Variants in OTOG observed in about 807,000 individuals in gnomAD.
OTOG encodes the protein otogelin.
OTOG carries 296 observed loss-of-function variants against 313.8 expected under a neutral mutation model. The observed-to-expected ratio is 0.94, with a 90% CI of 0.86 to 1.04. The LOEUF (loss-of-function observed/expected upper bound fraction) is 1.04. Ranked by LOEUF, OTOG falls within the 50% of genes least tolerant of loss-of-function variation. The probability of loss-of-function intolerance (pLI) is 0.00; values close to 1 mark genes in which losing one functional copy is unlikely to be tolerated. For missense variants in OTOG, 3,948 were observed against 3,840.1 expected (o/e 1.03, Z -0.74); for synonymous variants, 1,533 against 1,554.9 (o/e 0.99, Z 0.33).
chr11:17,566,364 C>A (rs1288821768), intron 15 of OTOG, among the ~76,000 whole-genome samples: 1 of 152,168 alleles, frequency 6.6e-6, no homozygotes, highest in East Asian at 1.9e-4. Context: ...AAGCAAGCAT[C>A]CATATTTTTT....
chr11:17,595,524 C>G (rs886808729), intron 28 of OTOG, among the ~76,000 whole-genome samples: 2 of 152,210 alleles, frequency 1.3e-5, no homozygotes, highest in Non-Finnish European at 2.9e-5. Context: ...TCTCACAAGG[C>G]TGCAATCAAG....
At chr11:17,548,044 A>C in intron 2 of OTOG, 57 bp downstream of exon 2, 2 of 1,224,470 alleles carry the variant, frequency 1.6e-6, no homozygotes, top group South Asian at 1.9e-5. Flanking sequence ...TATTTCTGGC[A>C]TCAGCGACCC....
intron 6 of OTOG, 28 bp downstream of exon 6, chr11:17,553,547 AG>A (rs1851992872): frequency 1.4e-6 from 2 of 1,415,680 alleles, no homozygotes; most frequent in Non-Finnish European, 1.8e-6. Flanking sequence ...TTGCCTGTCC[AG>A]GAATGCTTCT....
intron 29 of OTOG, 35 bp downstream of exon 29, chr11:17,596,189 C>T: frequency 7.0e-7 from 1 of 1,428,170 alleles, no homozygotes; most frequent in Non-Finnish European, 9.7e-7. Context: ...CTCCCGAGTG[C>T]CCCCTCCACT....
At chr11:17,561,012 C>T in intron 13 of OTOG, 79 bp from the exon 14 acceptor site, 2 of 1,460,904 alleles carry the variant, frequency 1.4e-6, no homozygotes, top group South Asian at 1.2e-5. Flanking sequence ...AGACTGAGGG[C>T]TGTGGGCCCT....
At chr11:17,617,520 TG>T (rs1329914527) in intron 39 of OTOG, among the ~76,000 whole-genome samples, 3 of 152,148 alleles carry the variant, frequency 2.0e-5, no homozygotes, top group Non-Finnish European at 4.4e-5. Context: ...ATTTCTTCTT[TG>T]GTAAATTTGG....
rs897016393 is a variant in OTOG, at chr11:17,591,493, G to A, written c.2911G>A (p.Ala971Thr). The A allele has an allele frequency of 5.2e-6, 8 of 1,550,568 alleles. No individual in the cohort carries two copies. The Admixed American group carries it at 5.9e-5, about 11-fold the overall frequency. The change falls in exon 25 of 56, where the codon GCC becomes ACC. Residue 971 changes from alanine to threonine, a missense_variant. Coordinates refer to ENST00000399397, the MANE Select transcript of OTOG (RefSeq NM_001292063.2). Reference sequence around the variant, plus strand: ...ATTCCAGTGCACCCTGCACCCTTGCGCCTCCACCTGCACTGCCTATGGGGA... The same window carrying A: ...ATTCCAGTGCACCCTGCACCCTTGCACCTCCACCTGCACTGCCTATGGGGA... ...GSFQCTLHPCASTCTAYGDRH... is the reference protein window; with the variant it reads ...GSFQCTLHPCTSTCTAYGDRH...
chr11:17,572,899 G>T (rs944354629), intron 18 of OTOG, among the ~76,000 whole-genome samples, 179 bp from the exon 19 acceptor site: 1 of 152,186 alleles, frequency 6.6e-6, no homozygotes, highest in Non-Finnish European at 1.5e-5. Context: ...TTCACACCCA[G>T]ATGTACTAAA....
chr11:17,583,130 TTTA>T (rs536850148), intron 23 of OTOG, among the ~76,000 whole-genome samples: 108 of 151,916 alleles, frequency 7.1e-4, no homozygotes, highest in Middle Eastern at 6.8e-3. Context: ...AAATAATTAA[TTTA>T]TTATTATTAT....
chr11:17,640,167 A>T (rs1847940604), intron 49 of OTOG, among the ~76,000 whole-genome samples: 2 of 152,106 alleles, frequency 1.3e-5, no homozygotes, highest in East Asian at 3.8e-4. Flanking sequence ...TGGGGCTTTC[A>T]TGTGTATTAT....
At chr11:17,613,775 G>T (rs1250155778) in intron 39 of OTOG, 74 bp downstream of exon 39, 2 of 1,296,376 alleles carry the variant, frequency 1.5e-6, no homozygotes, top group African/African-American at 2.9e-5. Context: ...AGGGGTGGAG[G>T]GGCTGTGAGG....
At chr11:17,598,547 C>T (rs1268147234) in intron 30 of OTOG, among the ~76,000 whole-genome samples, 4 of 152,078 alleles carry the variant, frequency 2.6e-5, no homozygotes, top group Non-Finnish European at 5.9e-5. Context: ...TTTGCCTTAC[C>T]CTGGTCCAGG....
chr11:17,569,771 G>C (rs1852365604), intron 16 of OTOG, among the ~76,000 whole-genome samples: 1 of 151,954 alleles, frequency 6.6e-6, no homozygotes, highest in Admixed American at 6.6e-5. Context: ...AACCATAAAG[G>C]GTATAAAATG....
Position 17,591,583 on chromosome 11 carries a change from G to A in OTOG, c.3001G>A (p.Val1001Ile). ...DFVGACKVHL[V>I]KSTSDVSFSV... is the part of the protein sequence containing the mutation. Reference sequence around the variant, plus strand: ...CGTGGGGGCATGCAAAGTGCACCTGGTCAAGGTGAGTTCCCGGATGTTTCT... The same window carrying A: ...CGTGGGGGCATGCAAAGTGCACCTGATCAAGGTGAGTTCCCGGATGTTTCT... The change falls in exon 25 of 56, where the codon GTC becomes ATC. Residue 1001 changes from valine to isoleucine, a missense_variant. By Grantham distance (29) the Val-to-Ile change is conservative. Coordinates refer to ENST00000399397, the MANE Select transcript of OTOG (RefSeq NM_001292063.2). 8 of 1,550,574 alleles carry A rather than the reference G, an allele frequency of 5.2e-6. No individual in the cohort carries two copies. The highest frequency in any genetic ancestry group is 7.0e-6 in the Non-Finnish European group (8 of 1,147,012).
At chr11:17,602,184 T>C in intron 31 of OTOG, 26 bp from the exon 32 acceptor site, 4 of 1,548,470 alleles carry the variant, frequency 2.6e-6, no homozygotes, top group Non-Finnish European at 3.5e-6. Flanking sequence ...TGGGGCCAGG[T>C]TGCTGATGGG....
chr11:17,643,542 C>A, intron 54 of OTOG, 36 bp downstream of exon 54: 2 of 1,354,834 alleles, frequency 1.5e-6, no homozygotes, highest in Non-Finnish European at 1.9e-6. Flanking sequence ...GGGTGGGGGG[C>A]TCTGATGGGG....
intron 31 of OTOG, among the ~76,000 whole-genome samples, chr11:17,600,353 AG>A (rs1303052297): frequency 6.6e-6 from 1 of 152,358 alleles, no homozygotes; most frequent in East Asian, 1.9e-4. Flanking sequence ...CAGTTGGGCC[AG>A]GGTCAGACCT....
At chr11:17,602,512 G>C in intron 32 of OTOG, 135 bp downstream of exon 32, 1 of 1,050,156 alleles carries the variant, frequency 9.5e-7, no homozygotes, top group Non-Finnish European at 1.3e-6. Flanking sequence ...TCTCCCAGTT[G>C]AGATGGTGCT....
At position 17,553,445 on chromosome 11, in the gene OTOG, T is replaced by C; in HGVS notation, c.466T>C (p.Tyr156His). Reference protein sequence around the residue: ...HHVETFDGLYYYLSGKGSYTL... With the variant: ...HHVETFDGLYHYLSGKGSYTL... Reference sequence around the variant, plus strand: ...CGTGGAGACATTTGATGGGCTCTACTACTACCTCTCCGGAAAGGGCAGCTA... The same window carrying C: ...CGTGGAGACATTTGATGGGCTCTACCACTACCTCTCCGGAAAGGGCAGCTA... Residue 156 changes from tyrosine to histidine, a missense_variant, in exon 6 of 56, where the codon TAC becomes CAC. Tyr to His is a moderately conservative substitution (Grantham distance 83, BLOSUM62 2). Transcript: ENST00000399397. 6.8e-7 allele frequency: 1 copy of C among 1,472,318 alleles called. No individual in the cohort carries two copies. The highest frequency in any genetic ancestry group is 9.0e-7 in the Non-Finnish European group (1 of 1,110,148). 91.2% of individuals were successfully genotyped at this position (1,472,318 alleles called of 1,614,324 possible).
Sources: gnomAD v4.1 joint callset for allele counts (sites outside exome capture counted in the v4.1 genomes callset) on GRCh38, gnomAD v4.1.1 for gene constraint, MANE v1.5 for transcripts, NCBI Gene and HGNC (gene_info 2026-07-23, HGNC 2026-07-21) for gene names.